The following MRAP2 variants were observed in gnomAD, a reference collection of about 807,000 sequenced individuals.
MRAP2 encodes melanocortin-2 receptor accessory protein 2.
A neutral mutation model predicts 17.4 loss-of-function variants in MRAP2; 20 were observed. The observed-to-expected ratio is 1.15, with a 90% confidence interval of 0.81 to 1.67. The LOEUF (loss-of-function observed/expected upper bound fraction) is 1.67. Among genes scored for constraint, MRAP2 ranks in the 40% most tolerant of loss-of-function variants. MRAP2 has a pLI of 0.00. For missense variants in MRAP2, 238 were observed against 240.0 expected (o/e 0.99, Z 0.05); for synonymous variants, 96 against 88.4 (o/e 1.09, Z -0.48).
At chr6:84,067,282 T>C (rs1366918248) in intron 3 of MRAP2, among the ~76,000 whole-genome samples, 2 of 152,234 alleles carry the variant, frequency 1.3e-5, no homozygotes, top group Admixed American at 1.3e-4. Context: ...ACTTGTTGAT[T>C]GATGGGCATT....
the MRAP2 span, among the ~76,000 whole-genome samples, chr6:84,130,865 CTCTGA>C: frequency 6.6e-6 from 1 of 152,086 alleles, no homozygotes; most frequent in Non-Finnish European, 1.5e-5. Flanking sequence ...TTTAGCTCTG[CTCTGA>C]TCTTAGTTAT....
upstream of MRAP2, chr6:84,033,710 C>T (rs1282248884): frequency 1.4e-5 from 14 of 985,248 alleles, no homozygotes; most frequent in Non-Finnish European, 1.7e-5. Context: ...CTCCGGCGCC[C>T]CGCGCCGCCT....
chr6:84,054,463 C>A (rs2099491206), intron 1 of MRAP2, among the ~76,000 whole-genome samples: 1 of 152,188 alleles, frequency 6.6e-6, no homozygotes, highest in African/African-American at 2.4e-5. Flanking sequence ...CAGGAGTAAG[C>A]AGTTGGACAA....
intron 3 of MRAP2, among the ~76,000 whole-genome samples, chr6:84,064,678 A>G (rs9444134): frequency 0.24 from 37,169 of 152,010 alleles, 5,408 homozygotes; most frequent in African/African-American, 0.42. Flanking sequence ...TAGTAGAGAC[A>G]GGGTTTCACC....
At chr6:84,142,094 A>G in the MRAP2 span, among the ~76,000 whole-genome samples, 2 of 152,122 alleles carry the variant, frequency 1.3e-5, no homozygotes, top group African/African-American at 2.4e-5. Flanking sequence ...GAGGGAGAAG[A>G]GTTTGTTTTT....
At chr6:84,108,643 G>A in the MRAP2 span, among the ~76,000 whole-genome samples, 1 of 152,126 alleles carries the variant, frequency 6.6e-6, no homozygotes, top group Non-Finnish European at 1.5e-5. Flanking sequence ...TGTTTACTCT[G>A]TGGATAATTT....
At chr6:84,121,641 C>CGG in the MRAP2 span, among the ~76,000 whole-genome samples, 1 of 152,038 alleles carries the variant, frequency 6.6e-6, no homozygotes, top group African/African-American at 2.4e-5. Flanking sequence ...AAGACTCCGT[C>CGG]TCAAAAACAA....
chr6:84,121,639 G>A, the MRAP2 span, among the ~76,000 whole-genome samples: 29 of 151,956 alleles, frequency 1.9e-4, no homozygotes, highest in South Asian at 6.2e-4. Context: ...GTAAGACTCC[G>A]TCTCAAAAAC....
At chr6:84,034,114 G>C (rs1462162514) in intron 1 of MRAP2, among the ~76,000 whole-genome samples, 1 of 151,972 alleles carries the variant, frequency 6.6e-6, no homozygotes, top group African/African-American at 2.4e-5. Context: ...GCAGCCCGCT[G>C]ATGTGCGTGT....
In MRAP2 at chr6:84,076,027, G is replaced by A. The variant is rs558017700; in HGVS notation, c.227+13035G>A. The stretch of plus-strand genomic sequence containing the variant: ...TGAAAGGGTAGAAAATCTATTTTAT[G>A]TGTCTGGTTCAGTCTATAACTTTTG... On this transcript the variant is annotated intron_variant, in intron 3 of 3. Transcript: ENST00000257776. Among the ~76,000 whole-genome samples, 8 of 152,106 alleles carry A rather than the reference G, an allele frequency of 5.3e-5. No homozygotes were observed. In the East Asian group the frequency reaches 1.4e-3, roughly 26 times the overall value.
the MRAP2 span, among the ~76,000 whole-genome samples, chr6:84,129,937 G>A: frequency 6.6e-6 from 1 of 152,108 alleles, no homozygotes; most frequent in Non-Finnish European, 1.5e-5. Context: ...TCCTTGTCCT[G>A]TGCTGGTCTT....
chr6:84,137,727 G>A, the MRAP2 span, among the ~76,000 whole-genome samples: 1 of 152,044 alleles, frequency 6.6e-6, no homozygotes, highest in Non-Finnish European at 1.5e-5. Context: ...GATTTTTGCA[G>A]TCAATTAGAA....
intron 2 of MRAP2, among the ~76,000 whole-genome samples, chr6:84,058,217 A>T (rs1188341086): frequency 6.6e-6 from 1 of 152,246 alleles, no homozygotes; most frequent in East Asian, 1.9e-4. Context: ...TTAGAAGCAG[A>T]GACCATTCAG....
intron 3 of MRAP2, chr6:84,063,482 A>G: frequency 1.1e-6 from 1 of 931,972 alleles, no homozygotes; most frequent in Non-Finnish European, 1.3e-6. Flanking sequence ...TTTTCTTAAA[A>G]CTAGGATACA....
At chr6:84,067,428 C>G (rs913248009) in intron 3 of MRAP2, among the ~76,000 whole-genome samples, 1 of 152,130 alleles carries the variant, frequency 6.6e-6, no homozygotes, top group Admixed American at 6.6e-5. Context: ...AATGGTAGAC[C>G]TACTTTTAGT....
chr6:84,105,513 C>G, the MRAP2 span, among the ~76,000 whole-genome samples: 3 of 152,164 alleles, frequency 2.0e-5, no homozygotes, highest in African/African-American at 7.2e-5. Context: ...GACTTGCCCC[C>G]ATGATTCACT....
At chr6:84,106,792 C>A in the MRAP2 span, among the ~76,000 whole-genome samples, 7 of 152,130 alleles carry the variant, frequency 4.6e-5, no homozygotes, top group Non-Finnish European at 2.9e-5. Context: ...TATACCATTT[C>A]CATTTGATGA....
the MRAP2 span, among the ~76,000 whole-genome samples, chr6:84,121,960 G>A: frequency 1.2e-3 from 186 of 152,038 alleles, 1 homozygote; most frequent in African/African-American, 3.8e-3. Context: ...AGAACTAAAT[G>A]AGACCAAAAA....
rs965968601 is a variant in MRAP2 at position 84,089,692 on chromosome 6, T to C, written c.*211T>C. On this transcript the variant is annotated 3_prime_UTR_variant, in exon 4 of 4. Coordinates refer to ENST00000257776, the MANE Select transcript of MRAP2 (RefSeq NM_138409.4). Reference sequence around the variant, plus strand: ...GTTTTGTTTTTGCTTTTTAATACATTTGGAGCTTTGGGAGTATTAAAGTAT... The same window carrying C: ...GTTTTGTTTTTGCTTTTTAATACATCTGGAGCTTTGGGAGTATTAAAGTAT... The C allele has an allele frequency of 7.2e-6, 4 of 554,168 alleles. No homozygotes were observed. The African/African-American group carries it at 7.5e-5, about 10-fold the overall frequency. 34.3% of individuals were successfully genotyped at this position (554,168 alleles called of 1,614,324 possible).
Sources: gnomAD v4.1 joint callset for allele counts (sites outside exome capture counted in the v4.1 genomes callset) on GRCh38, gnomAD v4.1.1 for gene constraint, MANE v1.5 for transcripts, NCBI Gene and HGNC (gene_info 2026-07-23, HGNC 2026-07-21) for gene names.